CHSY3: variants seen among roughly 807,000 people sequenced by gnomAD.
CHSY3 encodes the protein chondroitin sulfate synthase 3.
Under a neutral mutation model 67.2 loss-of-function variants are expected in CHSY3, and 35 were observed. That is an observed-to-expected ratio of 0.52 (90% CI 0.40 to 0.69). CHSY3 has a LOEUF of 0.69. CHSY3 is among the 30% of genes least tolerant of loss of function. The probability of loss-of-function intolerance (pLI) is 0.00; values close to 1 mark genes in which losing one functional copy is unlikely to be tolerated. For synonymous variants in CHSY3, 474 were observed against 434.7 expected (o/e 1.09, Z -1.12); for missense variants, 1,069 against 1,138.5 (o/e 0.94, Z 0.88).
chr5:130,012,512 A>G (rs1166444984), intron 2 of CHSY3, among the ~76,000 whole-genome samples: 1 of 152,198 alleles, frequency 6.6e-6, no homozygotes, highest in Non-Finnish European at 1.5e-5. Flanking sequence ...ACAGTTCCAC[A>G]TGGCTAGGGA....
intron 2 of CHSY3, among the ~76,000 whole-genome samples, chr5:130,025,962 A>T (rs1764530162): frequency 6.6e-6 from 1 of 152,140 alleles, no homozygotes. Context: ...TGAAACAAGA[A>T]GAGGCCAGTT....
chr5:130,177,628 C>A (rs185657386), intron 2 of CHSY3, among the ~76,000 whole-genome samples: 1 of 152,086 alleles, frequency 6.6e-6, no homozygotes, highest in Non-Finnish European at 1.5e-5. Flanking sequence ...TATAGACATG[C>A]TGCTTTTTGA....
At chr5:130,116,727 G>A (rs373538180) in intron 2 of CHSY3, among the ~76,000 whole-genome samples, 14 of 152,184 alleles carry the variant, frequency 9.2e-5, no homozygotes, top group African/African-American at 1.9e-4. Context: ...ACAGAAATGC[G>A]GACCTGAAGG....
intron 2 of CHSY3, among the ~76,000 whole-genome samples, chr5:130,170,410 A>C (rs1277582291): frequency 6.6e-6 from 1 of 152,080 alleles, no homozygotes; most frequent in Non-Finnish European, 1.5e-5. Context: ...GGTTGATTCC[A>C]TGACTTTGCT....
intron 2 of CHSY3, among the ~76,000 whole-genome samples, chr5:130,124,245 T>C (rs1367030750): frequency 6.6e-6 from 1 of 152,056 alleles, no homozygotes; most frequent in African/African-American, 2.4e-5. Flanking sequence ...TAGCTCCACA[T>C]TCTCTAAGCC....
At chr5:130,020,248 T>C (rs1398111829) in intron 2 of CHSY3, among the ~76,000 whole-genome samples, 3 of 151,440 alleles carry the variant, frequency 2.0e-5, no homozygotes, top group Non-Finnish European at 4.4e-5. Flanking sequence ...TGAAACCCTG[T>C]CTCTACTAAA....
intron 2 of CHSY3, among the ~76,000 whole-genome samples, chr5:130,051,365 C>T (rs1765350825): frequency 6.6e-6 from 1 of 152,014 alleles, no homozygotes; most frequent in South Asian, 2.1e-4. Flanking sequence ...TAAAGACTGC[C>T]TATCTGTCTA....
intron 2 of CHSY3, among the ~76,000 whole-genome samples, chr5:129,995,871 C>A (rs1258944598): frequency 6.6e-6 from 1 of 152,034 alleles, no homozygotes; most frequent in African/African-American, 2.4e-5. Flanking sequence ...CCTCTCCCAA[C>A]TCCCACCTAT....
intron 2 of CHSY3, among the ~76,000 whole-genome samples, chr5:129,993,272 T>G (rs1339288706): frequency 1.3e-5 from 2 of 152,146 alleles, no homozygotes; most frequent in African/African-American, 4.8e-5. Context: ...AGTGATGTGA[T>G]TCCATCTCGT....
intron 1 of CHSY3, among the ~76,000 whole-genome samples, chr5:129,906,398 C>A (rs1388432773): frequency 6.6e-6 from 1 of 152,160 alleles, no homozygotes; most frequent in Admixed American, 6.5e-5. Context: ...ATAAGCCAGA[C>A]CCCTGGGAAC....
At chr5:130,094,280 C>T (rs988293887) in intron 2 of CHSY3, among the ~76,000 whole-genome samples, 1 of 151,858 alleles carries the variant, frequency 6.6e-6, no homozygotes, top group African/African-American at 2.4e-5. Context: ...GAAAAATTAC[C>T]CCCTAAAAAA....
chr5:129,969,660 C>T (rs1187979947), intron 2 of CHSY3, among the ~76,000 whole-genome samples: 1 of 151,706 alleles, frequency 6.6e-6, no homozygotes, highest in Non-Finnish European at 1.5e-5. Flanking sequence ...AATGATTTTG[C>T]TAGATTGTTT....
At position 130,185,927 on chromosome 5, in the gene CHSY3, T is replaced by C. The variant is rs781636623; in HGVS notation, c.*136T>C. The stretch of plus-strand genomic sequence containing the variant: ...TTTTGTTGTCCTGGTCTTAAACTAC[T>C]CTTGGTTGTCTTCCTAAGGGTGTTT... On this transcript the variant is annotated 3_prime_UTR_variant, in exon 3 of 3. Transcript: ENST00000305031. 9 of 457,702 alleles carry C rather than the reference T, an allele frequency of 2.0e-5. No individual in the cohort carries two copies. Among genetic ancestry groups the C allele is most frequent in the Non-Finnish European group, 2.8e-5 (8 of 286,072 alleles). 28.4% of individuals were successfully genotyped at this position (457,702 alleles called of 1,614,324 possible).
intron 2 of CHSY3, among the ~76,000 whole-genome samples, chr5:130,099,906 G>A (rs58339784): frequency 0.016 from 2,448 of 152,230 alleles, 77 homozygotes; most frequent in African/African-American, 0.056. Flanking sequence ...GAGGCTCATA[G>A]ACTGAGCAGA....
chr5:130,151,039 G>A lies in CHSY3; in HGVS notation c.1087-33190G>A, dbSNP rs538937295. On this transcript the variant is annotated intron_variant, in intron 2 of 2. Transcript: ENST00000305031. Reference sequence around the variant, plus strand: ...CAACTAATGCAGGAACATTTTGTAAGCTCATAGTGTCTGAAAAAGAAAATA... The same window carrying A: ...CAACTAATGCAGGAACATTTTGTAAACTCATAGTGTCTGAAAAAGAAAATA... Among the ~76,000 whole-genome samples the A allele has an allele frequency of 5.9e-5, 9 of 152,188 alleles. No homozygotes were observed. The South Asian group carries it at 1.9e-3, about 32-fold the overall frequency.
At chr5:130,096,089 G>T (rs1767034556) in intron 2 of CHSY3, among the ~76,000 whole-genome samples, 1 of 152,094 alleles carries the variant, frequency 6.6e-6, no homozygotes, top group South Asian at 2.1e-4. Flanking sequence ...GTGACTAAGG[G>T]CATAACAACT....
chr5:130,149,018 A>G (rs966466188), intron 2 of CHSY3, among the ~76,000 whole-genome samples: 17 of 152,162 alleles, frequency 1.1e-4, no homozygotes, highest in Non-Finnish European at 2.1e-4. Flanking sequence ...CAAGGTTTTT[A>G]TAGTTTTGTG....
chr5:129,940,016 T>C (rs1366209915), intron 2 of CHSY3, among the ~76,000 whole-genome samples: 1 of 152,180 alleles, frequency 6.6e-6, no homozygotes, highest in Non-Finnish European at 1.5e-5. Flanking sequence ...GTGATTATGC[T>C]GATCAAATTA....
intron 2 of CHSY3, among the ~76,000 whole-genome samples, chr5:129,928,576 T>TA (rs1186211712): frequency 5.9e-5 from 9 of 152,076 alleles, no homozygotes; most frequent in African/African-American, 2.2e-4. Flanking sequence ...CCAGTATAGA[T>TA]ACCTAACTAA....
Sources: gnomAD v4.1 joint callset for allele counts (sites outside exome capture counted in the v4.1 genomes callset) on GRCh38, gnomAD v4.1.1 for gene constraint, MANE v1.5 for transcripts, NCBI Gene and HGNC (gene_info 2026-07-23, HGNC 2026-07-21) for gene names.